Variants in GLIS3 observed in about 807,000 individuals in gnomAD.
The protein encoded by GLIS3 is zinc finger protein GLIS3.
A neutral mutation model predicts 78.6 loss-of-function variants in GLIS3; 53 were observed. The ratio of observed to expected loss-of-function variants is 0.67; its 90% CI spans 0.54 to 0.85. The LOEUF is 0.85. GLIS3 is among the 40% of genes least tolerant of loss of function. GLIS3 has a pLI of 0.00. For synonymous variants in GLIS3, 684 were observed against 509.9 expected (o/e 1.34, Z -4.60); for missense variants, 1,703 against 1,231.1 (o/e 1.38, Z -5.74).
chr9:4,206,740 T>C (rs1276505549), intron 2 of GLIS3, among the ~76,000 whole-genome samples: 1 of 152,242 alleles, frequency 6.6e-6, no homozygotes, highest in Non-Finnish European at 1.5e-5. Flanking sequence ...ACGGTTTGAA[T>C]GAAAATCTTT....
intron 2 of GLIS3, among the ~76,000 whole-genome samples, chr9:4,210,595 G>A (rs888104132): frequency 6.6e-6 from 1 of 152,124 alleles, no homozygotes; most frequent in Non-Finnish European, 1.5e-5. Flanking sequence ...CTTTTCTTAT[G>A]TGGGAATTCT....
intron 2 of GLIS3, chr9:4,147,603 C>G (rs1248990084): frequency 6.6e-6 from 1 of 152,254 alleles, no homozygotes; most frequent in Non-Finnish European, 1.5e-5. Context: ...CCAGGACATT[C>G]AGCAAAGGCT....
At chr9:4,137,540 T>C (rs1226357001) in intron 2 of GLIS3, among the ~76,000 whole-genome samples, 1 of 152,208 alleles carries the variant, frequency 6.6e-6, no homozygotes, top group Non-Finnish European at 1.5e-5. Flanking sequence ...TGGATTCCTG[T>C]GCATGGAGCC....
chr9:4,001,028 T>A (rs1588427720), intron 4 of GLIS3, among the ~76,000 whole-genome samples: 5 of 152,346 alleles, frequency 3.3e-5, no homozygotes, highest in Admixed American at 3.3e-4. Context: ...TCAGCTCAGT[T>A]AAACCAACAT....
chr9:4,032,056 G>C (rs1452199223), intron 4 of GLIS3, among the ~76,000 whole-genome samples: 1 of 152,128 alleles, frequency 6.6e-6, no homozygotes, highest in Non-Finnish European at 1.5e-5. Context: ...GGGATCAGGA[G>C]GTCAGACAAA....
intron 5 of GLIS3, among the ~76,000 whole-genome samples, chr9:3,935,860 AATTATATTTGAG>A (rs1825874443): frequency 6.6e-6 from 1 of 152,190 alleles, no homozygotes; most frequent in Admixed American, 6.5e-5. Context: ...ATGTTGCTCT[AATTATATTTGAG>A]ATATTTACTA....
chr9:3,905,034 G>A (rs534344102), intron 6 of GLIS3, among the ~76,000 whole-genome samples: 81 of 145,520 alleles, frequency 5.6e-4, no homozygotes, highest in African/African-American at 1.9e-3. Flanking sequence ...GTGCAGTGGC[G>A]CGATCTCGGC....
At chr9:4,084,522 G>T (rs1339695954) in intron 4 of GLIS3, among the ~76,000 whole-genome samples, 1 of 152,166 alleles carries the variant, frequency 6.6e-6, no homozygotes, top group Non-Finnish European at 1.5e-5. Context: ...AGCAGCTGGG[G>T]AGGAGGTGGA....
chr9:4,205,554 A>G (rs1819800994), intron 2 of GLIS3, among the ~76,000 whole-genome samples: 1 of 152,162 alleles, frequency 6.6e-6, no homozygotes, highest in Admixed American at 6.5e-5. Context: ...ATAAGAGAGG[A>G]AAGTCTAGAG....
chr9:4,432,683 C>T, the GLIS3 span, among the ~76,000 whole-genome samples: 2 of 147,832 alleles, frequency 1.4e-5, no homozygotes, highest in African/African-American at 2.5e-5. Context: ...CTCTGCCACC[C>T]AGGCTGGAGT....
chr9:4,476,272 A>G, the GLIS3 span, among the ~76,000 whole-genome samples: 11 of 152,188 alleles, frequency 7.2e-5, no homozygotes, highest in Non-Finnish European at 1.6e-4. Context: ...TTTTAAATAT[A>G]GTAATTTGAT....
At chr9:4,235,157 G>C (rs1399226600) in intron 2 of GLIS3, among the ~76,000 whole-genome samples, 1 of 151,992 alleles carries the variant, frequency 6.6e-6, no homozygotes. Flanking sequence ...AAAATCGCTG[G>C]GCGTGGTGGC....
At chr9:4,036,341 T>C (rs1245099155) in intron 4 of GLIS3, among the ~76,000 whole-genome samples, 1 of 152,206 alleles carries the variant, frequency 6.6e-6, no homozygotes, top group Non-Finnish European at 1.5e-5. Context: ...TTCTACTTTA[T>C]ACTTGTAGTT....
the GLIS3 span, among the ~76,000 whole-genome samples, chr9:4,476,547 G>C: frequency 2.6e-5 from 4 of 151,586 alleles, no homozygotes; most frequent in African/African-American, 9.7e-5. Flanking sequence ...TTTTTAGTAA[G>C]GATGGGGTTT....
At chr9:4,271,313 A>AGTAG (rs1252293865) in intron 2 of GLIS3, among the ~76,000 whole-genome samples, 4 of 152,214 alleles carry the variant, frequency 2.6e-5, no homozygotes, top group Non-Finnish European at 4.4e-5. Context: ...TTTGGTCAAC[A>AGTAG]GTAGGCTACC....
At chr9:4,468,393 G>C in the GLIS3 span, among the ~76,000 whole-genome samples, 1 of 152,182 alleles carries the variant, frequency 6.6e-6, no homozygotes, top group Admixed American at 6.5e-5. Flanking sequence ...GAGTAAGGTT[G>C]GGTTACCCAA....
intron 2 of GLIS3, among the ~76,000 whole-genome samples, chr9:4,345,607 C>G (rs970359167): frequency 6.6e-6 from 1 of 152,210 alleles, no homozygotes; most frequent in Non-Finnish European, 1.5e-5. Flanking sequence ...GCTCTTGTTC[C>G]TCTTTCCCCC....
intron 2 of GLIS3, among the ~76,000 whole-genome samples, chr9:4,198,621 T>C (rs1167010498): frequency 6.6e-6 from 1 of 151,692 alleles, no homozygotes; most frequent in Non-Finnish European, 1.5e-5. Flanking sequence ...AAAAAGAAAA[T>C]ACCTTGGAAA....
At chr9:4,308,147 G>A (rs1424935915) in intron 4 of GLIS3, among the ~76,000 whole-genome samples, 3 of 152,074 alleles carry the variant, frequency 2.0e-5, no homozygotes, top group African/African-American at 7.2e-5. Context: ...GGAGCATTGT[G>A]GCTTGGTGTC....
Sources: allele counts gnomAD v4.1 joint callset (sites outside exome capture counted in the v4.1 genomes callset), GRCh38; gene constraint gnomAD v4.1.1; transcripts MANE v1.5; gene names NCBI Gene and HGNC (gene_info 2026-07-23, HGNC 2026-07-21).